The following ADGRL2 variants were observed in gnomAD, a reference collection of about 807,000 sequenced individuals.
The protein encoded by ADGRL2 is calcium-independent alpha-latrotoxin receptor 2.
Under a neutral mutation model 157.4 loss-of-function variants are expected in ADGRL2, and 44 were observed. The observed-to-expected ratio is 0.28, with a 90% CI of 0.22 to 0.36. The LOEUF (loss-of-function observed/expected upper bound fraction) is 0.36, where lower values mean the gene tolerates loss of function less well. Ranked by LOEUF, ADGRL2 falls within the 10% of genes least tolerant of loss-of-function variation. The pLI is 1.00. For missense variants in ADGRL2, 1,510 were observed against 1,768.9 expected (o/e 0.85, Z 2.63); for synonymous variants, 585 against 624.7 (o/e 0.94, Z 0.95).
chr1:81,402,829 C>T (rs142077407), intron 1 of ADGRL2, among the ~76,000 whole-genome samples: 3 of 152,178 alleles, frequency 2.0e-5, no homozygotes, highest in Non-Finnish European at 4.4e-5. Context: ...ACCATCACCC[C>T]CAAAGAGCCC....
At chr1:81,395,305 T>G (rs555422818) in intron 1 of ADGRL2, among the ~76,000 whole-genome samples, 7 of 152,216 alleles carry the variant, frequency 4.6e-5, no homozygotes, top group Non-Finnish European at 8.8e-5. Flanking sequence ...TTTTTTCATA[T>G]ACTTCTTGGC....
chr1:81,470,125 A>G (rs888583893), intron 2 of ADGRL2, among the ~76,000 whole-genome samples: 3 of 152,208 alleles, frequency 2.0e-5, no homozygotes, highest in African/African-American at 7.2e-5. Context: ...ATTTTATTCT[A>G]ACGCACACAT....
intron 1 of ADGRL2, chr1:81,721,647 T>C (rs992466805): frequency 1.1e-6 from 1 of 873,658 alleles, no homozygotes; most frequent in Admixed American, 2.1e-5. Context: ...CGCCTGGGCC[T>C]GGAACCGGGC....
intron 1 of ADGRL2, among the ~76,000 whole-genome samples, chr1:81,442,468 A>G (rs771577877): frequency 1.3e-5 from 2 of 152,244 alleles, no homozygotes; most frequent in African/African-American, 4.8e-5. Context: ...CAAGAAAACA[A>G]CTGAAGGGCT....
At chr1:81,586,918 T>TAGAGGGAA (rs2081038691) in intron 3 of ADGRL2, among the ~76,000 whole-genome samples, 1 of 152,026 alleles carries the variant, frequency 6.6e-6, no homozygotes, top group Non-Finnish European at 1.5e-5. Flanking sequence ...TTTGAGTGCA[T>TAGAGGGAA]AGAGGGAAAG....
intron 4 of ADGRL2, among the ~76,000 whole-genome samples, chr1:81,938,452 G>C: frequency 6.6e-6 from 1 of 151,748 alleles, no homozygotes; most frequent in South Asian, 2.1e-4. Context: ...AAAGGAAAAT[G>C]TGGATATCTT....
At chr1:81,867,372 A>G (rs1276428276) in intron 2 of ADGRL2, among the ~76,000 whole-genome samples, 1 of 152,176 alleles carries the variant, frequency 6.6e-6, no homozygotes, top group African/African-American at 2.4e-5. Flanking sequence ...AAACGAACCA[A>G]ACTTCTTCCC....
intron 2 of ADGRL2, among the ~76,000 whole-genome samples, chr1:81,845,428 C>T (rs1394734327): frequency 6.6e-6 from 1 of 151,906 alleles, no homozygotes; most frequent in Non-Finnish European, 1.5e-5. Context: ...AGAGTTAAAC[C>T]TATGTGCACA....
chr1:81,351,256 C>T (rs919628390), intron 1 of ADGRL2, among the ~76,000 whole-genome samples: 6 of 150,528 alleles, frequency 4.0e-5, no homozygotes, highest in Admixed American at 4.0e-4. Flanking sequence ...TTAACCCTCT[C>T]TTTTTTGTTT....
chr1:81,492,910 G>A (rs1157862225), intron 2 of ADGRL2, among the ~76,000 whole-genome samples: 2 of 152,152 alleles, frequency 1.3e-5, no homozygotes, highest in African/African-American at 4.8e-5. Context: ...TTTTAGAATA[G>A]AAGAGTATGT....
chr1:81,722,766 TGA>T (rs2084377168), intron 1 of ADGRL2: 2 of 796,058 alleles, frequency 2.5e-6, no homozygotes. Context: ...AAGAAGAGCA[TGA>T]GAGAGCCCGG....
At chr1:81,444,389 T>G (rs767527787) in intron 1 of ADGRL2, among the ~76,000 whole-genome samples, 13 of 152,216 alleles carry the variant, frequency 8.5e-5, no homozygotes, top group Non-Finnish European at 1.6e-4. Context: ...AGCCATTTTA[T>G]GTTTTTACAT....
chr1:81,954,759 C>T (rs973388807), intron 10 of ADGRL2, among the ~76,000 whole-genome samples: 1 of 152,138 alleles, frequency 6.6e-6, no homozygotes, highest in South Asian at 2.1e-4. Flanking sequence ...GCAGACAGAA[C>T]GAGGATATTA....
At chr1:81,802,418 A>G (rs983676325) in intron 1 of ADGRL2, among the ~76,000 whole-genome samples, 4 of 151,580 alleles carry the variant, frequency 2.6e-5, no homozygotes, top group East Asian at 3.9e-4. Context: ...CCTCCCCCCA[A>G]TCTCCTCTTG....
At chr1:81,508,676 G>T (rs115816611) in intron 2 of ADGRL2, among the ~76,000 whole-genome samples, 1 of 152,044 alleles carries the variant, frequency 6.6e-6, no homozygotes, top group African/African-American at 2.4e-5. Flanking sequence ...CTATGCATAG[G>T]GTATGCACCC....
At chr1:81,931,304 C>G (rs553309167) in intron 3 of ADGRL2, among the ~76,000 whole-genome samples, 140 of 152,010 alleles carry the variant, frequency 9.2e-4, no homozygotes, top group South Asian at 4.8e-3. Flanking sequence ...TACTTTTATT[C>G]CGGTATTTGA....
rs563567509 is a variant in ADGRL2, at chr1:81,689,080, C to T, written c.-142-72731C>T. ...GTCCACCAGTGCCTGTTCTGGTGGA[C>T]GTGGTGAAGGGTGAAATCTCAAATA... On this transcript the variant is annotated intron_variant, in intron 3 of 24. Coordinates refer to the ADGRL2 transcript ENST00000370721. Among the ~76,000 whole-genome samples, 28 of 152,122 alleles carry T rather than the reference C, an allele frequency of 1.8e-4. No individual in the cohort carries two copies. The East Asian group carries it at 4.1e-3, about 22-fold the overall frequency.
chr1:81,585,979 G>C (rs1172330405), intron 3 of ADGRL2: 1 of 151,942 alleles, frequency 6.6e-6, no homozygotes, highest in African/African-American at 2.4e-5. Flanking sequence ...ATAATATAAA[G>C]TGGTAGAGGA....
At chr1:81,834,406 T>C (rs1455099874) in intron 1 of ADGRL2, among the ~76,000 whole-genome samples, 1 of 152,168 alleles carries the variant, frequency 6.6e-6, no homozygotes, top group Non-Finnish European at 1.5e-5. Flanking sequence ...TGTTAGCTGT[T>C]ATCTATGCCA....
Sources: gnomAD v4.1 joint callset for allele counts (sites outside exome capture counted in the v4.1 genomes callset) on GRCh38, gnomAD v4.1.1 for gene constraint, MANE v1.5 for transcripts, NCBI Gene and HGNC (gene_info 2026-07-23, HGNC 2026-07-21) for gene names.